Variants in CMSS1 observed in about 807,000 individuals in gnomAD.
CMSS1 encodes the protein protein CMSS1.
In CMSS1, 33 loss-of-function variants were observed where a neutral mutation model predicts 43.5. The observed-to-expected ratio is 0.76, with a 90% CI of 0.57 to 1.01. The LOEUF is 1.01. Ranked by LOEUF, CMSS1 falls within the 50% of genes least tolerant of loss-of-function variation. The pLI is 0.00. For missense variants in CMSS1, 313 were observed against 326.4 expected (o/e 0.96, Z 0.32); for synonymous variants, 115 against 117.2 (o/e 0.98, Z 0.12).
intron 1 of CMSS1, among the ~76,000 whole-genome samples, chr3:99,959,095 T>A (rs1333689553): frequency 6.6e-6 from 1 of 152,118 alleles, no homozygotes; most frequent in African/African-American, 2.4e-5. Context: ...GATGGTAATT[T>A]AAAAAAAATT....
intron 2 of CMSS1, 48 bp downstream of exon 2, chr3:100,147,109 G>A: frequency 6.2e-7 from 1 of 1,605,838 alleles, no homozygotes; most frequent in South Asian, 1.1e-5. Flanking sequence ...TCTGAAATCA[G>A]CCTTTTCCTC....
chr3:100,065,892 G>C (rs1466975363), intron 1 of CMSS1, among the ~76,000 whole-genome samples: 1 of 152,194 alleles, frequency 6.6e-6, no homozygotes, highest in African/African-American at 2.4e-5. Flanking sequence ...CTCAAAATAT[G>C]GCTCCTGGAT....
At chr3:100,022,429 T>C (rs2064843266) in intron 1 of CMSS1, among the ~76,000 whole-genome samples, 1 of 152,236 alleles carries the variant, frequency 6.6e-6, no homozygotes, top group Non-Finnish European at 1.5e-5. Context: ...ATTCATTCCA[T>C]TTCTTTGGAA....
At chr3:100,158,342 C>T (rs2066993753) in intron 2 of CMSS1, among the ~76,000 whole-genome samples, 1 of 152,176 alleles carries the variant, frequency 6.6e-6, no homozygotes, top group Non-Finnish European at 1.5e-5. Flanking sequence ...AAAGAAATGA[C>T]ATTACTTATC....
chr3:99,822,801 G>T (rs1942463962), intron 1 of CMSS1, among the ~76,000 whole-genome samples: 3 of 152,106 alleles, frequency 2.0e-5, no homozygotes, highest in African/African-American at 7.2e-5. Context: ...TTAACTACCT[G>T]CCAGATGCTG....
At chr3:100,047,632 G>C (rs1025128314) in intron 1 of CMSS1, among the ~76,000 whole-genome samples, 2 of 152,314 alleles carry the variant, frequency 1.3e-5, no homozygotes, top group East Asian at 3.9e-4. Flanking sequence ...AACTGCAGGT[G>C]TCTGTCAAGA....
chr3:100,112,202 C>CT (rs1368008363), intron 1 of CMSS1, among the ~76,000 whole-genome samples: 9 of 152,232 alleles, frequency 5.9e-5, no homozygotes, highest in Admixed American at 1.3e-4. Flanking sequence ...AGCACTTTTT[C>CT]TTTAAATGTT....
chr3:99,937,499 G>C lies in CMSS1; in HGVS notation c.64+119456G>C, dbSNP rs1285522258. Among the ~76,000 whole-genome samples the C allele has an allele frequency of 1.3e-5, 2 of 152,236 alleles. 1 individual carries two copies. ...GAGTATGAGATTGTGGAATCAAATA[G>C]AACTGGTCTTAAATCACAGCTCCAA... On this transcript the variant is annotated intron_variant, in intron 1 of 9. Coordinates refer to ENST00000421999, the MANE Select transcript of CMSS1 (RefSeq NM_032359.4).
intron 1 of CMSS1, among the ~76,000 whole-genome samples, chr3:99,868,445 C>G (rs762465857): frequency 6.6e-6 from 1 of 152,166 alleles, no homozygotes; most frequent in African/African-American, 2.4e-5. Context: ...CCCAGCAGCA[C>G]CAGATGATGA....
At chr3:99,844,871 G>A (rs1043136139) in intron 1 of CMSS1, among the ~76,000 whole-genome samples, 1 of 152,168 alleles carries the variant, frequency 6.6e-6, no homozygotes, top group African/African-American at 2.4e-5. Context: ...TTGCTGCCAG[G>A]TGAGATGTGC....
At chr3:99,853,928 A>C (rs1424896478) in intron 1 of CMSS1, among the ~76,000 whole-genome samples, 7 of 152,348 alleles carry the variant, frequency 4.6e-5, no homozygotes, top group Admixed American at 2.0e-4. Context: ...AACTGAGAGC[A>C]GGAGGCCCTG....
intron 1 of CMSS1, among the ~76,000 whole-genome samples, chr3:99,877,817 A>G (rs1705586081): frequency 6.6e-6 from 1 of 152,186 alleles, no homozygotes; most frequent in Non-Finnish European, 1.5e-5. Context: ...TATGATGCAT[A>G]AACACCTGAA....
At chr3:99,827,587 C>T (rs910587284) in intron 1 of CMSS1, among the ~76,000 whole-genome samples, 1 of 152,168 alleles carries the variant, frequency 6.6e-6, no homozygotes, top group African/African-American at 2.4e-5. Flanking sequence ...GAAGTGTCAA[C>T]ATTTTTCTAC....
chr3:100,124,583 G>A (rs1362791008), intron 1 of CMSS1, among the ~76,000 whole-genome samples: 5 of 152,130 alleles, frequency 3.3e-5, no homozygotes, highest in East Asian at 1.9e-4. Context: ...AACCAGTCAC[G>A]GGGTAGGTCC....
chr3:99,872,322 T>TGTGTGTGTGTGTGA (rs1491147270), intron 1 of CMSS1, among the ~76,000 whole-genome samples: 2 of 141,116 alleles, frequency 1.4e-5, no homozygotes, highest in Non-Finnish European at 3.1e-5. Flanking sequence ...TGTGTGTGTG[T>TGTGTGTGTGTGTGA]GACTGTGGGG....
chr3:99,956,539 G>A (rs1186045272), intron 1 of CMSS1, among the ~76,000 whole-genome samples: 2 of 152,150 alleles, frequency 1.3e-5, no homozygotes, highest in East Asian at 3.9e-4. Flanking sequence ...TATAGATGGG[G>A]TTTCACCACG....
rs552752260 is a variant in CMSS1, at chr3:100,178,172, T to C, written c.757-133T>C. ...TTTCAACTCTGAATCAAATGTGTGT[T>C]AGGACTTTTGCACTCTCTGATTCTG... On this transcript the variant is annotated intron_variant, in intron 9 of 9. Transcript: ENST00000421999. 4 of 553,118 alleles carry C rather than the reference T, an allele frequency of 7.2e-6. No homozygotes were observed. In the South Asian group the frequency reaches 1.0e-4, roughly 14 times the overall value. 34.3% of individuals were successfully genotyped at this position (553,118 alleles called of 1,614,324 possible).
At chr3:100,028,340 A>G (rs957053880) in intron 1 of CMSS1, among the ~76,000 whole-genome samples, 1 of 152,038 alleles carries the variant, frequency 6.6e-6, no homozygotes, top group Non-Finnish European at 1.5e-5. Flanking sequence ...AACCTTTACT[A>G]CTTTTGACTC....
At chr3:99,970,842 G>C (rs1391137710) in intron 1 of CMSS1, among the ~76,000 whole-genome samples, 1 of 152,198 alleles carries the variant, frequency 6.6e-6, no homozygotes, top group Non-Finnish European at 1.5e-5. Flanking sequence ...GCAAAATGTT[G>C]TGAGGATATT....
Sources: allele counts gnomAD v4.1 joint callset (sites outside exome capture counted in the v4.1 genomes callset), GRCh38; gene constraint gnomAD v4.1.1; transcripts MANE v1.5; gene names NCBI Gene and HGNC (gene_info 2026-07-23, HGNC 2026-07-21).